Variants in TTC9 observed in about 807,000 individuals in gnomAD.
TTC9 encodes the protein tetratricopeptide repeat domain 9.
In TTC9, 13 loss-of-function variants were observed where a neutral mutation model predicts 22.9. That is an observed-to-expected ratio of 0.57 (90% CI 0.37 to 0.90). The LOEUF (loss-of-function observed/expected upper bound fraction) is 0.90, where lower values mean the gene tolerates loss of function less well. TTC9 is among the 40% of genes least tolerant of loss of function. The probability of loss-of-function intolerance (pLI) is 0.01; values close to 1 mark genes in which losing one functional copy is unlikely to be tolerated. For missense variants in TTC9, 280 were observed against 291.8 expected (o/e 0.96, Z 0.29); for synonymous variants, 148 against 133.2 (o/e 1.11, Z -0.77).
At chr14:70,660,878 A>G (rs904592057) in intron 1 of TTC9, among the ~76,000 whole-genome samples, 2 of 152,216 alleles carry the variant, frequency 1.3e-5, no homozygotes, top group African/African-American at 4.8e-5. Flanking sequence ...TAATTTGGCA[A>G]ACTTTTGGGA....
chr14:70,668,944 C>G (rs1886253337), intron 2 of TTC9, among the ~76,000 whole-genome samples: 1 of 151,390 alleles, frequency 6.6e-6, no homozygotes. Flanking sequence ...ATCAGGAGGT[C>G]AAGAGATCAA....
At chr14:70,656,671 T>C (rs1886072157) in intron 1 of TTC9, among the ~76,000 whole-genome samples, 4 of 152,200 alleles carry the variant, frequency 2.6e-5, no homozygotes. Context: ...GTCTTCCCAT[T>C]CTGGCTTAGA....
intron 2 of TTC9, among the ~76,000 whole-genome samples, chr14:70,669,795 A>G (rs1232770228): frequency 6.6e-6 from 1 of 152,202 alleles, no homozygotes; most frequent in Non-Finnish European, 1.5e-5. Context: ...GAGCACTGCT[A>G]TCTGCCAGCA....
Position 70,673,110 on chromosome 14 carries a change from G to GTGTAT in TTC9, c.*1958_*1962dup, listed in dbSNP as rs1170490449. ...CAGCTGAGGTCCAATAGTTATGTCT[G>GTGTAT]TGTATTGCTCATTCTACTTACTGAT... On this transcript the variant is annotated 3_prime_UTR_variant, in exon 3 of 3. Transcript: ENST00000256367. 1.3e-5 allele frequency: 2 copies of GTGTAT among 152,178 alleles called. No individual in the cohort carries two copies. Among genetic ancestry groups the GTGTAT allele is most frequent in the East Asian group, 3.8e-4 (2 of 5,200 alleles). The allele number at this position is 152,178 out of a possible 1,614,324, so 9.4% of individuals were successfully genotyped here.
intron 1 of TTC9, among the ~76,000 whole-genome samples, chr14:70,666,060 T>C (rs1352283422): frequency 1.3e-5 from 2 of 152,070 alleles, no homozygotes; most frequent in Non-Finnish European, 2.9e-5. Flanking sequence ...CAACATACTT[T>C]GCCGTTGGTC....
chr14:70,647,583 T>C (rs1444787242), intron 1 of TTC9, among the ~76,000 whole-genome samples: 1 of 152,190 alleles, frequency 6.6e-6, no homozygotes, highest in Non-Finnish European at 1.5e-5. Context: ...ATTCATTTAG[T>C]TATGGGCATA....
At chr14:70,653,254 A>C (rs151023019) in intron 1 of TTC9, among the ~76,000 whole-genome samples, 2 of 152,164 alleles carry the variant, frequency 1.3e-5, no homozygotes, top group Non-Finnish European at 2.9e-5. Context: ...AAATATAGGG[A>C]AAGAGAGAGG....
intron 1 of TTC9, among the ~76,000 whole-genome samples, chr14:70,651,775 G>T (rs560500367): frequency 1.3e-5 from 2 of 152,302 alleles, no homozygotes; most frequent in South Asian, 2.1e-4. Context: ...GTCGAGGAAG[G>T]CATGGTGTAG....
intron 1 of TTC9, among the ~76,000 whole-genome samples, chr14:70,666,347 C>T (rs1886215285): frequency 6.6e-6 from 1 of 152,130 alleles, no homozygotes; most frequent in Admixed American, 6.5e-5. Context: ...TTCCTCTTGC[C>T]TGGGACACCT....
Position 70,661,521 on chromosome 14 carries a change from C to T in TTC9, c.407-6043C>T. 2.0e-5 allele frequency among the ~76,000 whole-genome samples: 3 copies of T among 152,204 alleles called. 1 individual carries two copies. Among genetic ancestry groups the T allele is most frequent in the African/African-American group, 4.8e-5 (2 of 41,448 alleles). ...GTAAAAGCAAACTATAGTGAGTTAG[C>T]TATAAGAAGAAAACCAGTGATTGCA... On this transcript the variant is annotated intron_variant, in intron 1 of 2. Coordinates refer to ENST00000256367, the MANE Select transcript of TTC9 (RefSeq NM_015351.2).
chr14:70,642,522 C>T lies in TTC9; in HGVS notation c.393C>T (p.Tyr131=), dbSNP rs1352409137. 1.3e-6 allele frequency: 2 copies of T among 1,540,802 alleles called. No homozygotes were observed. The highest frequency in any genetic ancestry group is 1.2e-5 in the South Asian group (1 of 83,912). Reference sequence around the variant, plus strand: ...TGGAAGCCATCGAGATCGACTGTTACAACAGCCTGGCAGGTGAGCCGCGCC... The same window carrying T: ...TGGAAGCCATCGAGATCGACTGTTATAACAGCCTGGCAGGTGAGCCGCGCC... ...KTVEAIEIDC[Y]NSLAACLLQA... Residue 131 remains tyrosine, a synonymous_variant, in exon 1 of 3, where the codon TAC becomes TAT. Transcript: ENST00000256367.
At chr14:70,667,793 C>T (rs1886235809) in intron 2 of TTC9, 47 bp downstream of exon 2, 1 of 1,516,426 alleles carries the variant, frequency 6.6e-7, no homozygotes, top group Non-Finnish European at 8.8e-7. Context: ...GCTCTGGTGG[C>T]TCCTGGGACC....
At chr14:70,658,514 A>G (rs1284701295) in intron 1 of TTC9, among the ~76,000 whole-genome samples, 1 of 152,234 alleles carries the variant, frequency 6.6e-6, no homozygotes, top group Non-Finnish European at 1.5e-5. Context: ...GAGACCCCCT[A>G]ACAGGTTCTG....
rs1566705282 is a variant in TTC9 at position 70,675,210 on chromosome 14, A to G, written c.*4055A>G. On this transcript the variant is annotated 3_prime_UTR_variant, in exon 3 of 3. Coordinates refer to ENST00000256367, the MANE Select transcript of TTC9 (RefSeq NM_015351.2). ...GTACTTCTTTCTTTGTGAATTTTCT[A>G]TTTATTTGATATTGGTATGTTTATT... 1 of 152,140 alleles carries G rather than the reference A, an allele frequency of 6.6e-6. No homozygotes were observed. Among genetic ancestry groups the G allele is most frequent in the Non-Finnish European group, 1.5e-5 (1 of 68,026 alleles). 9.4% of individuals were successfully genotyped at this position (152,140 alleles called of 1,614,324 possible). A position where few individuals can be genotyped will look rare whatever the true frequency, so the allele number is the denominator to read the frequency against.
At chr14:70,647,873 C>G (rs1885926053) in intron 1 of TTC9, among the ~76,000 whole-genome samples, 1 of 152,148 alleles carries the variant, frequency 6.6e-6, no homozygotes, top group Non-Finnish European at 1.5e-5. Flanking sequence ...AGTTGCCCAC[C>G]CTTGAAGCCA....
chr14:70,674,957 A>G lies in TTC9; in HGVS notation c.*3802A>G, dbSNP rs1886348124. 6.6e-6 allele frequency: 1 copy of G among 152,196 alleles called. No individual in the cohort carries two copies. The highest frequency in any genetic ancestry group is 2.1e-4 in the South Asian group (1 of 4,822). The allele number at this position is 152,196 out of a possible 1,614,324, so 9.4% of individuals were successfully genotyped here. A position where few individuals can be genotyped will look rare whatever the true frequency, so the allele number is the denominator to read the frequency against. On this transcript the variant is annotated 3_prime_UTR_variant, in exon 3 of 3. Transcript: ENST00000256367. ...ACTCCAAGAAGAGACTTGCTTGGCTATTTTTAAGAATTTTGATACATGTTG... is the reference window on the plus strand; with the variant it reads ...ACTCCAAGAAGAGACTTGCTTGGCTGTTTTTAAGAATTTTGATACATGTTG...
At position 70,654,636 on chromosome 14, in the gene TTC9, AG is replaced by A. The variant is rs1287179377; in HGVS notation, c.406+12102del. 1.1e-4 allele frequency among the ~76,000 whole-genome samples: 16 copies of A among 149,238 alleles called. No homozygotes were observed. The East Asian group carries it at 3.1e-3, about 29-fold the overall frequency. Reference sequence around the variant, plus strand: ...AAAAAAAAAAAATTCTAATTACAAAAGTAAAGCATCATAGTTGCAGAAGTTA... The same window carrying A: ...AAAAAAAAAAAATTCTAATTACAAAATAAAGCATCATAGTTGCAGAAGTTA... On this transcript the variant is annotated intron_variant, in intron 1 of 2. Transcript: ENST00000256367.
chr14:70,643,548 T>G (rs1885859503), intron 1 of TTC9, among the ~76,000 whole-genome samples: 1 of 152,196 alleles, frequency 6.6e-6, no homozygotes, highest in South Asian at 2.1e-4. Context: ...AAAGGGCAGT[T>G]CCTCCTAGTT....
chr14:70,645,613 G>A (rs116346173), intron 1 of TTC9, among the ~76,000 whole-genome samples: 1,593 of 152,338 alleles, frequency 0.01, 29 homozygotes, highest in African/African-American at 0.036. Flanking sequence ...GTTAGAGCCA[G>A]AACAGTGCAG....
Sources: gnomAD v4.1 joint callset for allele counts (sites outside exome capture counted in the v4.1 genomes callset) on GRCh38, gnomAD v4.1.1 for gene constraint, MANE v1.5 for transcripts, NCBI Gene and HGNC (gene_info 2026-07-23, HGNC 2026-07-21) for gene names.